Variants in CADM2 observed in about 807,000 individuals in gnomAD.
CADM2 encodes immunoglobulin superfamily member 4D.
A neutral mutation model predicts 49.8 loss-of-function variants in CADM2; 12 were observed. The observed-to-expected ratio is 0.24, with a 90% CI of 0.15 to 0.39. The LOEUF is 0.39. Ranked by LOEUF, CADM2 falls within the 10% of genes least tolerant of loss-of-function variation. CADM2 has a pLI of 1.00. For synonymous variants in CADM2, 214 were observed against 175.4 expected (o/e 1.22, Z -1.74); for missense variants, 378 against 492.3 (o/e 0.77, Z 2.20).
At chr3:86,065,461 T>A in intron 8 of CADM2, 144 bp from the exon 9 acceptor site, 1 of 734,274 alleles carries the variant, frequency 1.4e-6, no homozygotes, top group Non-Finnish European at 2.1e-6. Flanking sequence ...TTATATTTGT[T>A]CACAGGATGA....
In CADM2 at chr3:85,879,765, T is replaced by A. The variant is rs182964394; in HGVS notation, c.239-3526T>A. 1.7e-3 allele frequency among the ~76,000 whole-genome samples: 265 copies of A among 152,292 alleles called. 1 individual carries two copies. The highest frequency in any genetic ancestry group is 1.6e-3 in the Non-Finnish European group (106 of 68,026). On this transcript the variant is annotated intron_variant, in intron 3 of 9. Coordinates refer to ENST00000383699, the MANE Select transcript of CADM2 (RefSeq NM_001167675.2). ...ACAGCTGTAAAGCTATGAAACAACA[T>A]CACAACGAGGAAATTGACACCGATA...
intron 3 of CADM2, among the ~76,000 whole-genome samples, chr3:85,864,330 A>T (rs1290743895): frequency 2.0e-5 from 3 of 152,208 alleles, no homozygotes; most frequent in Non-Finnish European, 4.4e-5. Flanking sequence ...TTTTATTTAC[A>T]TCAACGGATT....
At chr3:85,529,979 A>C (rs907339841) in intron 1 of CADM2, among the ~76,000 whole-genome samples, 2 of 152,096 alleles carry the variant, frequency 1.3e-5, no homozygotes, top group Non-Finnish European at 2.9e-5. Flanking sequence ...GTAAATGCCA[A>C]TGGGGTAGTG....
chr3:86,066,729 C>T lies in CADM2; in HGVS notation c.1161C>T (p.Ile387=). 2 of 1,613,922 alleles carry T rather than the reference C, an allele frequency of 1.2e-6. No homozygotes were observed. Among genetic ancestry groups the T allele is most frequent in the Admixed American group, 1.7e-5 (1 of 60,014 alleles). Residue 387 remains isoleucine (I), a synonymous_variant, in exon 10 of 10, where the codon ATC becomes ATT. Coordinates refer to ENST00000383699, the MANE Select transcript of CADM2 (RefSeq NM_001167675.2). ...CACCAGATGCTGATACAGCCATTATCAATGCTGAAGGCAGCCAAGTCAATG... is the reference window on the plus strand; with the variant it reads ...CACCAGATGCTGATACAGCCATTATTAATGCTGAAGGCAGCCAAGTCAATG... ...EDAPDADTAI[I]NAEGSQVNAE... is the part of the protein sequence containing the mutation.
In CADM2 at chr3:85,958,132, C is replaced by T. The variant is rs143612426; in HGVS notation, c.792-3337C>T. On this transcript the variant is annotated intron_variant, in intron 7 of 9. Coordinates refer to ENST00000383699, the MANE Select transcript of CADM2 (RefSeq NM_001167675.2). ...AACAACAACCCCATCTGAAAGTGGGCAAAGGATATGAACAGGCACTTCTCA... is the reference window on the plus strand; with the variant it reads ...AACAACAACCCCATCTGAAAGTGGGTAAAGGATATGAACAGGCACTTCTCA... Among the ~76,000 whole-genome samples, 952 of 151,986 alleles carry T rather than the reference C, an allele frequency of 6.3e-3. 8 individuals are homozygous for T. The highest frequency in any genetic ancestry group is 8.3e-3 in the Non-Finnish European group (567 of 67,934).
intron 8 of CADM2, among the ~76,000 whole-genome samples, chr3:86,015,436 G>A (rs769255668): frequency 4.6e-5 from 7 of 152,156 alleles, no homozygotes; most frequent in Non-Finnish European, 8.8e-5. Context: ...TACTTGTTGG[G>A]TGTTACAAAT....
At chr3:85,518,571 G>A (rs2106883066) in intron 1 of CADM2, among the ~76,000 whole-genome samples, 1 of 152,208 alleles carries the variant, frequency 6.6e-6, no homozygotes, top group African/African-American at 2.4e-5. Context: ...TCTGAAATTA[G>A]TTTCACCTGG....
chr3:85,366,206 G>A (rs2032772190), intron 1 of CADM2, among the ~76,000 whole-genome samples: 1 of 152,174 alleles, frequency 6.6e-6, no homozygotes, highest in East Asian at 1.9e-4. Flanking sequence ...TAGCCACAGA[G>A]TGTCTTTTGA....
At chr3:85,727,062 A>G (rs2067729902) in intron 2 of CADM2, among the ~76,000 whole-genome samples, 1 of 152,066 alleles carries the variant, frequency 6.6e-6, no homozygotes, top group Non-Finnish European at 1.5e-5. Flanking sequence ...TGTTTTCATG[A>G]TAAAAGATGC....
intron 3 of CADM2, among the ~76,000 whole-genome samples, chr3:85,855,215 A>T (rs2075261183): frequency 1.3e-5 from 2 of 151,988 alleles, no homozygotes; most frequent in Admixed American, 6.6e-5. Flanking sequence ...AGCAAGAAAC[A>T]CCCTCACTAG....
intron 1 of CADM2, among the ~76,000 whole-genome samples, chr3:85,446,991 CAT>C (rs141177883): frequency 0.13 from 7,187 of 54,266 alleles, 286 homozygotes; most frequent in Non-Finnish European, 0.16. Context: ...ATATGTATTG[CAT>C]ATATATATAT....
At chr3:85,856,499 C>T (rs752701338) in intron 3 of CADM2, among the ~76,000 whole-genome samples, 2 of 152,126 alleles carry the variant, frequency 1.3e-5, no homozygotes, top group Non-Finnish European at 2.9e-5. Flanking sequence ...CTATATGCTA[C>T]CCAATTTTTC....
chr3:85,594,077 T>C (rs1278579544), intron 1 of CADM2, among the ~76,000 whole-genome samples: 1 of 152,028 alleles, frequency 6.6e-6, no homozygotes, highest in Non-Finnish European at 1.5e-5. Context: ...TTTGCTGATG[T>C]AAATTCTTAA....
intron 8 of CADM2, among the ~76,000 whole-genome samples, chr3:86,034,727 A>G (rs918730134): frequency 3.9e-5 from 6 of 152,056 alleles, no homozygotes; most frequent in African/African-American, 9.7e-5. Flanking sequence ...GCTATTCTAT[A>G]TAAAGAAATA....
intron 3 of CADM2, among the ~76,000 whole-genome samples, chr3:85,825,011 TGAGGA>T (rs1229502817): frequency 2.6e-5 from 4 of 151,888 alleles, no homozygotes; most frequent in Non-Finnish European, 4.4e-5. Context: ...GAGATAAATG[TGAGGA>T]GAAGGGTTAA....
intron 1 of CADM2, among the ~76,000 whole-genome samples, chr3:85,560,253 GCAGGTGCAC>G (rs977652103): frequency 8.5e-5 from 13 of 152,184 alleles, no homozygotes; most frequent in African/African-American, 2.9e-4. Flanking sequence ...TGCACGAGCA[GCAGGTGCAC>G]CAGCTTGATG....
chr3:85,123,437 A>C (rs922884294), intron 1 of CADM2, among the ~76,000 whole-genome samples: 1 of 151,980 alleles, frequency 6.6e-6, no homozygotes, highest in Non-Finnish European at 1.5e-5. Context: ...AATATCACTT[A>C]CTCTGTGGAT....
intron 1 of CADM2, among the ~76,000 whole-genome samples, chr3:85,440,997 T>A (rs189594087): frequency 5.9e-5 from 9 of 152,132 alleles, no homozygotes; most frequent in Admixed American, 5.9e-4. Flanking sequence ...AAGACATATT[T>A]TATATCTTTA....
intron 1 of CADM2, among the ~76,000 whole-genome samples, chr3:85,187,194 C>G (rs987644355): frequency 1.3e-5 from 2 of 152,120 alleles, no homozygotes; most frequent in Non-Finnish European, 2.9e-5. Flanking sequence ...TGGGTAGCCT[C>G]TCTTTGACAG....
Sources: gnomAD v4.1 joint callset for allele counts (sites outside exome capture counted in the v4.1 genomes callset) on GRCh38, gnomAD v4.1.1 for gene constraint, MANE v1.5 for transcripts, NCBI Gene and HGNC (gene_info 2026-07-23, HGNC 2026-07-21) for gene names.